IL1RAPL2: variants seen among roughly 807,000 people sequenced by gnomAD.
IL1RAPL2 encodes interleukin 1 receptor accessory protein like 2.
A neutral mutation model predicts 44.1 loss-of-function variants in IL1RAPL2; 3 were observed. The ratio of observed to expected loss-of-function variants is 0.07; its 90% CI spans 0.03 to 0.18. The LOEUF is 0.18. Ranked by LOEUF, IL1RAPL2 falls within the 10% of genes least tolerant of loss-of-function variation. The pLI, the probability that IL1RAPL2 is intolerant of heterozygous loss-of-function variation, is 1.00. For synonymous variants in IL1RAPL2, 181 were observed against 178.8 expected (o/e 1.01, Z -0.10); for missense variants, 391 against 496.4 (o/e 0.79, Z 2.02).
rs1278657548 is a variant in IL1RAPL2 at position 105,152,550 on chromosome X, GGGCCTTA to G, written c.83-42924_83-42918del. Among the ~76,000 whole-genome samples, 355 of 110,939 alleles carry G rather than the reference GGGCCTTA, an allele frequency of 3.2e-3. 1 individual carries two copies. The highest frequency in any genetic ancestry group is 0.028 in the Middle Eastern group (6 of 217). On this transcript the variant is annotated intron_variant, in intron 2 of 10. Coordinates refer to ENST00000372582, the MANE Select transcript of IL1RAPL2 (RefSeq NM_017416.2). ...CTGACTATCCATATGTAGTTTACATGGGCCTTATTCAAAATCACTTAAAAGTCTAGTC... is the reference window on the plus strand; with the variant it reads ...CTGACTATCCATATGTAGTTTACATGTTCAAAATCACTTAAAAGTCTAGTC...
intron 6 of IL1RAPL2, among the ~76,000 whole-genome samples, chrX:105,542,489 C>T (rs933368006): frequency 9.0e-6 from 1 of 110,544 alleles, no homozygotes; most frequent in African/African-American, 3.3e-5. Context: ...TTTTAAGAAG[C>T]TAGACTATAT....
chrX:105,021,988 G>T (rs1046432138), intron 2 of IL1RAPL2, among the ~76,000 whole-genome samples: 2 of 110,534 alleles, frequency 1.8e-5, no homozygotes, highest in African/African-American at 6.6e-5. Context: ...TGTAGGAATT[G>T]GTAAGTGTAT....
intron 9 of IL1RAPL2, among the ~76,000 whole-genome samples, chrX:105,754,553 T>C (rs892731170): frequency 8.9e-5 from 10 of 112,686 alleles, no homozygotes; most frequent in African/African-American, 3.2e-4. Flanking sequence ...GTCATATTAG[T>C]TGGCCATGAA....
chrX:105,381,018 C>T (rs141236698), intron 5 of IL1RAPL2, among the ~76,000 whole-genome samples: 1,889 of 110,982 alleles, frequency 0.017, 40 homozygotes, highest in African/African-American at 0.059. Context: ...TTGCTGTGGG[C>T]GAAATGCTAG....
chrX:105,422,474 T>C, intron 5 of IL1RAPL2, among the ~76,000 whole-genome samples: 1 of 112,102 alleles, frequency 8.9e-6, no homozygotes. Flanking sequence ...GTTTCTCCAA[T>C]TGCGTCCTGT....
Position 105,767,221 on chromosome X carries a change from A to T in IL1RAPL2, c.1621A>T (p.Ser541Cys). ...LSLIKWKGSK[S>C]SKLNSKFWKH... ...CCTGATCAAGTGGAAGGGATCCAAA[A>T]GCAGCAAATTAAATTCTAAGTTTTG... The change falls in exon 11 of 11, where the codon AGC (serine) becomes TGC (cysteine). Residue 541 changes from serine to cysteine, a missense_variant. Around this residue, in one of 2 missense-constraint regions of IL1RAPL2, gnomAD observed 232 missense variants for 244.8 expected, o/e 0.95. Coordinates refer to ENST00000372582, the MANE Select transcript of IL1RAPL2 (RefSeq NM_017416.2). 1 of 1,211,910 alleles carries T rather than the reference A, an allele frequency of 8.3e-7. No homozygotes were observed.
chrX:105,421,158 G>A (rs1049893257), intron 5 of IL1RAPL2, among the ~76,000 whole-genome samples: 2 of 111,399 alleles, frequency 1.8e-5, no homozygotes, highest in African/African-American at 6.5e-5. Context: ...ACATTGGTTC[G>A]GTTCAGAAAG....
At chrX:105,689,530 G>A (rs1448298614) in intron 6 of IL1RAPL2, among the ~76,000 whole-genome samples, 2 of 111,814 alleles carry the variant, frequency 1.8e-5, no homozygotes, top group Non-Finnish European at 3.8e-5. Context: ...ACCATCTCAC[G>A]CCAGTTAGAA....
intron 6 of IL1RAPL2, among the ~76,000 whole-genome samples, chrX:105,616,497 T>A (rs1209951568): frequency 8.9e-6 from 1 of 111,868 alleles, no homozygotes; most frequent in Non-Finnish European, 1.9e-5. Context: ...AAGTGGTATG[T>A]CATTGTGGTT....
At chrX:104,634,396 C>T (rs1929740042) in intron 1 of IL1RAPL2, among the ~76,000 whole-genome samples, 1 of 111,192 alleles carries the variant, frequency 9.0e-6, no homozygotes. Context: ...TCCTGGATAT[C>T]CTTGTTAACT....
At chrX:104,945,686 C>T (rs1013568793) in intron 2 of IL1RAPL2, among the ~76,000 whole-genome samples, 11 of 111,698 alleles carry the variant, frequency 9.8e-5, no homozygotes, top group African/African-American at 2.0e-4. Context: ...ATAGTGTATA[C>T]GAATAATATA....
chrX:104,699,307 C>A (rs1472670430), intron 2 of IL1RAPL2, among the ~76,000 whole-genome samples: 1 of 111,534 alleles, frequency 9.0e-6, no homozygotes, highest in Non-Finnish European at 1.9e-5. Context: ...GAGCCCTGAG[C>A]TTGTTTTCCT....
chrX:104,891,202 A>C (rs1424568691), intron 2 of IL1RAPL2, among the ~76,000 whole-genome samples: 8 of 111,446 alleles, frequency 7.2e-5, no homozygotes, highest in African/African-American at 2.3e-4. Context: ...GTTACTGTAG[A>C]CTTGCAGTAT....
At chrX:105,178,364 C>T (rs1423291240) in intron 2 of IL1RAPL2, among the ~76,000 whole-genome samples, 1 of 111,875 alleles carries the variant, frequency 8.9e-6, no homozygotes, top group Non-Finnish European at 1.9e-5. Context: ...TTTCTTTATC[C>T]AGTCATCTGT....
At chrX:105,100,104 G>T (rs5962263) in intron 2 of IL1RAPL2, among the ~76,000 whole-genome samples, 5,637 of 111,591 alleles carry the variant, frequency 0.051, 330 homozygotes, top group African/African-American at 0.18. Context: ...AGTTGTTATA[G>T]ATTTTATTAT....
At chrX:104,874,814 G>T (rs1329317322) in intron 2 of IL1RAPL2, among the ~76,000 whole-genome samples, 1 of 111,569 alleles carries the variant, frequency 9.0e-6, no homozygotes, top group Non-Finnish European at 1.9e-5. Context: ...GGGGATTAAA[G>T]TTTGTCATTA....
intron 2 of IL1RAPL2, among the ~76,000 whole-genome samples, chrX:105,082,220 A>G (rs2032419054): frequency 8.9e-6 from 1 of 111,826 alleles, no homozygotes; most frequent in Non-Finnish European, 1.9e-5. Context: ...GTATGTGTCC[A>G]GGAATTTATC....
At chrX:105,575,790 GCAGTGTATAAGTGTTTCCTTTTCTC>G (rs1173649680) in intron 6 of IL1RAPL2, among the ~76,000 whole-genome samples, 1 of 112,301 alleles carries the variant, frequency 8.9e-6, no homozygotes, top group African/African-American at 3.2e-5. Flanking sequence ...ATTTCCACCA[GCAGTGTATAAGTGTTTCCTTTTCTC>G]CACAACCTGC....
intron 10 of IL1RAPL2, among the ~76,000 whole-genome samples, chrX:105,764,289 C>T (rs983973416): frequency 6.3e-5 from 7 of 111,553 alleles, no homozygotes; most frequent in African/African-American, 2.3e-4. Context: ...ATATTGCATA[C>T]TGCTTTACTG....
Sources: gnomAD v4.1 joint callset for allele counts (sites outside exome capture counted in the v4.1 genomes callset) on GRCh38, gnomAD v4.1.1 for gene constraint, gnomAD v4.1.1 regional missense constraint, MANE v1.5 for transcripts, NCBI Gene and HGNC (gene_info 2026-07-23, HGNC 2026-07-21) for gene names.